CTNND2: variants seen among roughly 807,000 people sequenced by gnomAD.
The protein encoded by CTNND2 is catenin delta-2.
Under a neutral mutation model 144.4 loss-of-function variants are expected in CTNND2, and 22 were observed. That is an observed-to-expected ratio of 0.15 (90% CI 0.11 to 0.22). CTNND2 has a LOEUF of 0.22. Among genes scored for constraint, CTNND2 ranks in the 10% least tolerant of loss-of-function variants. The pLI is 1.00. For synonymous variants in CTNND2, 751 were observed against 695.6 expected, an observed-to-expected ratio of 1.08 and a Z score of -1.25; for missense variants, 1,353 against 1,618.8, an observed-to-expected ratio of 0.84 and a Z score of 2.82.
At chr5:11,674,696 G>A (rs1404352489) in intron 2 of CTNND2, among the ~76,000 whole-genome samples, 1 of 144,808 alleles carries the variant, frequency 6.9e-6, no homozygotes, top group Non-Finnish European at 1.5e-5. Context: ...AAATGCATAT[G>A]CAGTTTTTTT....
intron 3 of CTNND2, among the ~76,000 whole-genome samples, chr5:11,445,891 C>T (rs1354940821): frequency 6.6e-6 from 1 of 152,194 alleles, no homozygotes; most frequent in East Asian, 1.9e-4. Context: ...GTAAATGTAA[C>T]ACAGTATTTA....
intron 11 of CTNND2, among the ~76,000 whole-genome samples, chr5:11,183,192 C>A (rs1735270535): frequency 6.6e-6 from 1 of 152,170 alleles, no homozygotes; most frequent in Non-Finnish European, 1.5e-5. Context: ...ATAGCAAGGG[C>A]AGTTTTGCAG....
chr5:11,109,702 T>C (rs1752763829), intron 14 of CTNND2, among the ~76,000 whole-genome samples: 1 of 152,030 alleles, frequency 6.6e-6, no homozygotes, highest in Admixed American at 6.6e-5. Flanking sequence ...AAGCATACAT[T>C]AACTTAGTGC....
chr5:11,042,973 A>C (rs531032587), intron 16 of CTNND2, among the ~76,000 whole-genome samples: 12 of 152,342 alleles, frequency 7.9e-5, no homozygotes, highest in Non-Finnish European at 1.3e-4. Context: ...GGTTCTTACC[A>C]ACAAAAGAGA....
At chr5:11,357,953 G>A (rs1056076358) in intron 8 of CTNND2, among the ~76,000 whole-genome samples, 1 of 152,112 alleles carries the variant, frequency 6.6e-6, no homozygotes, top group Non-Finnish European at 1.5e-5. Context: ...TGGTTCCATA[G>A]TGCTGTATCT....
chr5:11,425,196 C>A (rs992061487), intron 3 of CTNND2, among the ~76,000 whole-genome samples: 4 of 152,154 alleles, frequency 2.6e-5, no homozygotes, highest in Non-Finnish European at 4.4e-5. Flanking sequence ...TACGTGAGTT[C>A]AGGAGACCTC....
intron 11 of CTNND2, among the ~76,000 whole-genome samples, chr5:11,177,427 G>T (rs1255595688): frequency 1.3e-5 from 2 of 152,102 alleles, no homozygotes; most frequent in Non-Finnish European, 2.9e-5. Context: ...TTCTTAGACA[G>T]AAAGAAAGGA....
chr5:11,343,810 G>C (rs1754496552), intron 9 of CTNND2, among the ~76,000 whole-genome samples: 1 of 152,130 alleles, frequency 6.6e-6, no homozygotes, highest in African/African-American at 2.4e-5. Context: ...ATAAACATAT[G>C]TTTATAATGA....
chr5:11,317,345 G>A (rs1329285582), intron 9 of CTNND2, among the ~76,000 whole-genome samples: 1 of 152,092 alleles, frequency 6.6e-6, no homozygotes, highest in Non-Finnish European at 1.5e-5. Context: ...ACAGCATTTT[G>A]GTGGCTATGG....
intron 9 of CTNND2, among the ~76,000 whole-genome samples, chr5:11,241,163 C>T (rs1433120291): frequency 6.6e-6 from 1 of 151,962 alleles, no homozygotes; most frequent in Non-Finnish European, 1.5e-5. Context: ...ACACACCCAA[C>T]ACACACAGAC....
rs149292246 is a variant in CTNND2, at chr5:10,973,513, G to C, written c.3618C>G (p.Pro1206=). The change falls in exon 22 of 22, where the codon CCC becomes CCG. Residue 1206 remains proline, a synonymous_variant. Transcript: ENST00000304623. The surrounding 1 kb of genome is among the most constrained non-coding windows in gnomAD (Gnocchi z 5.6). Reference sequence around the variant, plus strand: ...TCGTTTCATAGTTCAGTTCACTGTAGGGACGGGCAGCTGAGTAGAAGTCAA... The same window carrying C: ...TCGTTTCATAGTTCAGTTCACTGTACGGACGGGCAGCTGAGTAGAAGTCAA... ...NYVDFYSAAR[P]YSELNYETSH... 5.6e-5 allele frequency: 91 copies of C among 1,613,022 alleles called. No individual in the cohort carries two copies. In the African/African-American group the frequency reaches 1.1e-3, roughly 19 times the overall value.
chr5:11,181,758 A>ATGTG (rs67991658), intron 11 of CTNND2, among the ~76,000 whole-genome samples: 2 of 89,106 alleles, frequency 2.2e-5, no homozygotes, highest in Non-Finnish European at 4.4e-5. Flanking sequence ...GGATGTGTGT[A>ATGTG]TGTGTGTGTG....
intron 7 of CTNND2, among the ~76,000 whole-genome samples, chr5:11,381,064 T>A (rs531308068): frequency 7.2e-5 from 11 of 152,210 alleles, no homozygotes; most frequent in Admixed American, 7.2e-4. Context: ...CATCCTTGAG[T>A]TCTTTTTCTC....
At chr5:11,315,668 T>A (rs1367440076) in intron 9 of CTNND2, among the ~76,000 whole-genome samples, 1 of 152,188 alleles carries the variant, frequency 6.6e-6, no homozygotes, top group Non-Finnish European at 1.5e-5. Flanking sequence ...GAGAGCTAAT[T>A]AACTTTGTAG....
chr5:11,176,140 TACTG>T (rs1760458309), intron 11 of CTNND2, among the ~76,000 whole-genome samples: 1 of 152,206 alleles, frequency 6.6e-6, no homozygotes, highest in Non-Finnish European at 1.5e-5. Flanking sequence ...TCAGAACTAG[TACTG>T]ATGCCCAATA....
At chr5:11,204,879 A>G (rs1317197254) in intron 10 of CTNND2, among the ~76,000 whole-genome samples, 1 of 152,176 alleles carries the variant, frequency 6.6e-6, no homozygotes, top group Non-Finnish European at 1.5e-5. Context: ...GTGGCCTCCC[A>G]GGCATTCAGG....
intron 9 of CTNND2, among the ~76,000 whole-genome samples, chr5:11,285,822 G>A (rs937438751): frequency 2.9e-5 from 2 of 68,774 alleles, no homozygotes; most frequent in African/African-American, 1.1e-4. Context: ...AGAGTTAAAA[G>A]CCAGGGGGTT....
At chr5:11,434,747 T>TA (rs1763607296) in intron 3 of CTNND2, among the ~76,000 whole-genome samples, 2 of 152,210 alleles carry the variant, frequency 1.3e-5, no homozygotes, top group South Asian at 4.1e-4. Flanking sequence ...AACTTTTCTG[T>TA]ATGTTTTTTA....
chr5:11,869,186 AAC>A (rs1795910983), intron 1 of CTNND2, among the ~76,000 whole-genome samples: 1 of 152,208 alleles, frequency 6.6e-6, no homozygotes, highest in Non-Finnish European at 1.5e-5. Flanking sequence ...AAAACAGGTA[AAC>A]ACAGAATTGC....
Sources: allele counts gnomAD v4.1 joint callset (sites outside exome capture counted in the v4.1 genomes callset), GRCh38; gene constraint gnomAD v4.1.1; non-coding constraint Gnocchi (gnomAD v3.1); transcripts MANE v1.5; gene names NCBI Gene and HGNC (gene_info 2026-07-23, HGNC 2026-07-21).